Variants in ADAMTS19 observed in about 807,000 individuals in gnomAD.
ADAMTS19 encodes the protein A disintegrin and metalloproteinase with thrombospondin motifs 19.
ADAMTS19 carries 93 observed loss-of-function variants against 153.3 expected under a neutral mutation model. That is an observed-to-expected ratio of 0.61 (90% confidence interval 0.51 to 0.72). The LOEUF (loss-of-function observed/expected upper bound fraction) is 0.72, where lower values mean the gene tolerates loss of function less well. ADAMTS19 is among the 30% of genes least tolerant of loss of function. The probability of loss-of-function intolerance (pLI) is 0.00; values close to 1 mark genes in which losing one functional copy is unlikely to be tolerated. For synonymous variants in ADAMTS19, 600 were observed against 556.6 expected (o/e 1.08, Z -1.10); for missense variants, 1,482 against 1,552.1 (o/e 0.95, Z 0.76).
At chr5:129,664,961 C>T (rs764793498) in intron 15 of ADAMTS19, among the ~76,000 whole-genome samples, 3 of 152,246 alleles carry the variant, frequency 2.0e-5, no homozygotes, top group Non-Finnish European at 2.9e-5. Context: ...TTGCTTGGCG[C>T]GACCTTACAC....
chr5:129,648,629 A>G (rs903035427), intron 12 of ADAMTS19, among the ~76,000 whole-genome samples, 169 bp from the exon 13 acceptor site: 3 of 152,166 alleles, frequency 2.0e-5, no homozygotes. Context: ...ATATATAGTT[A>G]AAGAAATAAA....
chr5:129,604,335 A>G (rs1750794871), intron 8 of ADAMTS19, among the ~76,000 whole-genome samples: 1 of 152,066 alleles, frequency 6.6e-6, no homozygotes, highest in South Asian at 2.1e-4. Context: ...GCTTAGTTTA[A>G]TTATCTCCTC....
At chr5:129,735,680 G>T (rs1021454784) in intron 22 of ADAMTS19, among the ~76,000 whole-genome samples, 3 of 151,922 alleles carry the variant, frequency 2.0e-5, no homozygotes, top group Non-Finnish European at 4.4e-5. Context: ...ATTGTTTTAT[G>T]TTATGAAATG....
At chr5:129,694,923 C>A in intron 19 of ADAMTS19, 68 bp downstream of exon 19, 1 of 1,342,680 alleles carries the variant, frequency 7.4e-7, no homozygotes, top group South Asian at 2.0e-5. Context: ...AAAACATGCT[C>A]AGAATATCAT....
At chr5:129,680,649 C>T (rs1019039136) in intron 17 of ADAMTS19, among the ~76,000 whole-genome samples, 11 of 151,720 alleles carry the variant, frequency 7.3e-5, no homozygotes, top group African/African-American at 2.4e-4. Context: ...GTAATCCCAG[C>T]TACTCAGGAG....
At chr5:129,465,643 G>A (rs1169334645) in intron 2 of ADAMTS19, among the ~76,000 whole-genome samples, 2 of 152,104 alleles carry the variant, frequency 1.3e-5, no homozygotes, top group Non-Finnish European at 2.9e-5. Flanking sequence ...ATTTAGACAA[G>A]GCAGTATATC....
intron 6 of ADAMTS19, 115 bp from the exon 7 acceptor site, chr5:129,551,749 T>C: frequency 1.6e-6 from 1 of 607,980 alleles, no homozygotes; most frequent in South Asian, 2.2e-5. Context: ...TATTAGATTC[T>C]TGGAGATGAC....
intron 3 of ADAMTS19, among the ~76,000 whole-genome samples, chr5:129,525,733 T>C (rs114008842): frequency 0.029 from 4,473 of 152,066 alleles, 84 homozygotes; most frequent in South Asian, 0.063. Context: ...ATTTGAGGAA[T>C]CTATATTCCC....
At chr5:129,592,090 A>T (rs930466186) in intron 7 of ADAMTS19, among the ~76,000 whole-genome samples, 1 of 152,026 alleles carries the variant, frequency 6.6e-6, no homozygotes, top group Non-Finnish European at 1.5e-5. Flanking sequence ...GTATTAAAAA[A>T]AATTGAGCTG....
At chr5:129,515,131 A>G (rs1751556876) in intron 3 of ADAMTS19, among the ~76,000 whole-genome samples, 1 of 151,714 alleles carries the variant, frequency 6.6e-6, no homozygotes, top group African/African-American at 2.4e-5. Flanking sequence ...GCTTTCTGTT[A>G]TATTCCATTG....
intron 2 of ADAMTS19, among the ~76,000 whole-genome samples, chr5:129,502,015 G>A (rs1751122247): frequency 6.6e-6 from 1 of 151,964 alleles, no homozygotes; most frequent in African/African-American, 2.4e-5. Context: ...GGGTGGCGGT[G>A]GACTATGAGT....
At chr5:129,627,909 A>C (rs1037490379) in intron 10 of ADAMTS19, among the ~76,000 whole-genome samples, 5 of 151,596 alleles carry the variant, frequency 3.3e-5, no homozygotes, top group African/African-American at 1.2e-4. Flanking sequence ...TAAAAAAAAA[A>C]CTACCCATAA....
intron 6 of ADAMTS19, among the ~76,000 whole-genome samples, chr5:129,537,733 A>G (rs1752501456): frequency 6.6e-6 from 1 of 151,980 alleles, no homozygotes; most frequent in African/African-American, 2.4e-5. Context: ...CAATGAGAAC[A>G]CATGGACACA....
intron 16 of ADAMTS19, among the ~76,000 whole-genome samples, chr5:129,677,913 A>G (rs1366569706): frequency 1.3e-5 from 2 of 152,152 alleles, no homozygotes; most frequent in East Asian, 3.9e-4. Context: ...CCTAGGTTCA[A>G]GCGATCCACC....
At chr5:129,464,414 TC>T (rs1749788817) in intron 2 of ADAMTS19, among the ~76,000 whole-genome samples, 1 of 152,238 alleles carries the variant, frequency 6.6e-6, no homozygotes, top group Non-Finnish European at 1.5e-5. Context: ...TATTTTCTTC[TC>T]AGGGAAAGCT....
chr5:129,479,052 T>C (rs996735157), intron 2 of ADAMTS19, among the ~76,000 whole-genome samples: 2 of 152,144 alleles, frequency 1.3e-5, no homozygotes, highest in African/African-American at 4.8e-5. Context: ...TCACTCAGTT[T>C]TATAGATAAG....
chr5:129,578,435 T>G (rs1185897860), intron 7 of ADAMTS19, among the ~76,000 whole-genome samples: 1 of 150,460 alleles, frequency 6.6e-6, no homozygotes, highest in Non-Finnish European at 1.5e-5. Flanking sequence ...CCTATATGCA[T>G]GTATATATAC....
At chr5:129,647,213 A>AG (rs1491207372) in intron 11 of ADAMTS19, among the ~76,000 whole-genome samples, 3 of 83,872 alleles carry the variant, frequency 3.6e-5, no homozygotes, top group African/African-American at 1.1e-4. Context: ...GAATTCTTTC[A>AG]GAAAAAAAAA....
At chr5:129,642,891 G>A (rs908890012) in intron 11 of ADAMTS19, among the ~76,000 whole-genome samples, 2 of 152,030 alleles carry the variant, frequency 1.3e-5, no homozygotes, top group African/African-American at 2.4e-5. Context: ...ACACACAGAC[G>A]CACCTACACA....
Sources: allele counts gnomAD v4.1 joint callset (sites outside exome capture counted in the v4.1 genomes callset), GRCh38; gene constraint gnomAD v4.1.1; transcripts MANE v1.5; gene names NCBI Gene and HGNC (gene_info 2026-07-23, HGNC 2026-07-21).